B3GALT1: variants seen among roughly 807,000 people sequenced by gnomAD.
The protein encoded by B3GALT1 is beta-1,3-galactosyltransferase 1.
Under a neutral mutation model 23.2 loss-of-function variants are expected in B3GALT1, and 10 were observed. That is an observed-to-expected ratio of 0.43 (90% CI 0.27 to 0.73). The LOEUF (loss-of-function observed/expected upper bound fraction) is 0.73, where lower values mean the gene tolerates loss of function less well. Ranked by LOEUF, B3GALT1 falls within the 30% of genes least tolerant of loss-of-function variation. B3GALT1 has a pLI of 0.21. For missense variants in B3GALT1, 299 were observed against 405.4 expected, an observed-to-expected ratio of 0.74 and a Z score of 2.25; for synonymous variants, 156 against 141.5, an observed-to-expected ratio of 1.10 and a Z score of -0.73.
intron 1 of B3GALT1, among the ~76,000 whole-genome samples, chr2:167,450,904 C>G (rs1355725168): frequency 6.6e-6 from 1 of 151,782 alleles, no homozygotes; most frequent in Non-Finnish European, 1.5e-5. Flanking sequence ...TATCTTTTTT[C>G]TTTGTCTTCG....
intron 3 of B3GALT1, among the ~76,000 whole-genome samples, chr2:167,733,624 A>G (rs753421239): frequency 3.9e-5 from 6 of 152,146 alleles, no homozygotes; most frequent in Non-Finnish European, 7.4e-5. Context: ...ACATAGCTCT[A>G]TTTTACAGAG....
chr2:167,789,672 A>G (rs902389044), intron 3 of B3GALT1, among the ~76,000 whole-genome samples: 1 of 152,192 alleles, frequency 6.6e-6, no homozygotes, highest in Non-Finnish European at 1.5e-5. Flanking sequence ...TACCAAAAAA[A>G]GGCACTTTCC....
At chr2:167,754,833 TAAAATAA>T (rs1050064666) in intron 3 of B3GALT1, among the ~76,000 whole-genome samples, 5 of 152,072 alleles carry the variant, frequency 3.3e-5, no homozygotes, top group African/African-American at 1.2e-4. Flanking sequence ...AAAAACAAAA[TAAAATAA>T]AAAATAAAAA....
rs1323518484 is a variant in B3GALT1 at position 167,426,419 on chromosome 2, C to T, written c.-510-63758C>T. Among the ~76,000 whole-genome samples, 40 of 152,002 alleles carry T rather than the reference C, an allele frequency of 2.6e-4. 1 individual carries two copies. The highest frequency in any genetic ancestry group is 1.7e-3 in the Admixed American group (26 of 15,244). On this transcript the variant is annotated intron_variant, in intron 1 of 4. Transcript: ENST00000392690. ...CCTCGCGAGTAGCTGGGACTACAGG[C>T]GCCCACCACCATGCCTGGCTAATTT... is the stretch of plus-strand genomic sequence containing the variant.
At chr2:167,855,150 G>A (rs138625782) in intron 4 of B3GALT1, among the ~76,000 whole-genome samples, 4 of 152,206 alleles carry the variant, frequency 2.6e-5, no homozygotes, top group African/African-American at 4.8e-5. Flanking sequence ...AGAGCTAGAC[G>A]AACCCTTAAG....
intron 1 of B3GALT1, among the ~76,000 whole-genome samples, chr2:167,381,696 T>A (rs1206254943): frequency 6.6e-6 from 1 of 152,224 alleles, no homozygotes; most frequent in Non-Finnish European, 1.5e-5. Context: ...AAATCTGATT[T>A]ACCATTGCCA....
chr2:167,707,796 C>T (rs1258146026), intron 3 of B3GALT1, among the ~76,000 whole-genome samples: 1 of 152,150 alleles, frequency 6.6e-6, no homozygotes, highest in African/African-American at 2.4e-5. Flanking sequence ...ATGTGGGCCT[C>T]TTTGGAGGGC....
intron 3 of B3GALT1, among the ~76,000 whole-genome samples, chr2:167,754,043 G>C (rs368018191): frequency 2.6e-5 from 4 of 152,140 alleles, no homozygotes; most frequent in African/African-American, 7.2e-5. Context: ...AATAATAAAT[G>C]GTTACCGTAT....
At chr2:167,648,654 T>G (rs1685799141) in intron 3 of B3GALT1, among the ~76,000 whole-genome samples, 1 of 152,166 alleles carries the variant, frequency 6.6e-6, no homozygotes, top group South Asian at 2.1e-4. Flanking sequence ...AGTGGGTGCT[T>G]TTAGTGGCAT....
intron 4 of B3GALT1, among the ~76,000 whole-genome samples, chr2:167,834,297 A>G (rs1026089737): frequency 2.6e-5 from 4 of 152,184 alleles, no homozygotes; most frequent in Admixed American, 2.0e-4. Flanking sequence ...TGAAGTTAAT[A>G]ATAAATAGCA....
chr2:167,512,591 T>TATATATATATGTATATATATATAC (rs375036584), intron 2 of B3GALT1, among the ~76,000 whole-genome samples: 3 of 41,858 alleles, frequency 7.2e-5, no homozygotes, highest in African/African-American at 1.8e-4. Flanking sequence ...TATATATATA[T>TATATATATATGTATATATATATAC]GTGTATATAT....
At chr2:167,488,837 G>A (rs1304750563) in intron 1 of B3GALT1, among the ~76,000 whole-genome samples, 1 of 151,894 alleles carries the variant, frequency 6.6e-6, no homozygotes, top group East Asian at 1.9e-4. Flanking sequence ...TATATAGTAT[G>A]CACTTTTTTG....
chr2:167,476,067 T>G (rs1012981157), intron 1 of B3GALT1, among the ~76,000 whole-genome samples: 3 of 152,132 alleles, frequency 2.0e-5, no homozygotes, highest in African/African-American at 7.2e-5. Flanking sequence ...CACAACTAAT[T>G]CTATCTGCAA....
intron 2 of B3GALT1, among the ~76,000 whole-genome samples, chr2:167,610,326 TG>T (rs1447744432): frequency 6.6e-6 from 1 of 152,144 alleles, no homozygotes; most frequent in Non-Finnish European, 1.5e-5. Context: ...GCCTTCTTTT[TG>T]TAATAGGTTG....
intron 3 of B3GALT1, among the ~76,000 whole-genome samples, chr2:167,703,107 C>G (rs2105511269): frequency 6.6e-6 from 1 of 152,282 alleles, no homozygotes; most frequent in East Asian, 1.9e-4. Context: ...GGGTGTTTTA[C>G]CTGACAGATA....
intron 2 of B3GALT1, among the ~76,000 whole-genome samples, chr2:167,521,150 C>T (rs1230746502): frequency 6.6e-6 from 1 of 152,108 alleles, no homozygotes; most frequent in Non-Finnish European, 1.5e-5. Flanking sequence ...CATTCTTCCA[C>T]CCAAGCTTCA....
At chr2:167,756,249 T>G (rs1687815429) in intron 3 of B3GALT1, among the ~76,000 whole-genome samples, 1 of 151,864 alleles carries the variant, frequency 6.6e-6, no homozygotes, top group South Asian at 2.1e-4. Flanking sequence ...ATTCCAAAGG[T>G]TATGCGTTAG....
rs970007997 is a variant in B3GALT1, at chr2:167,714,772, A to G, written c.-352+67806A>G. The G allele has an allele frequency of 6.3e-5, 101 of 1,613,714 alleles. 1 individual carries two copies. Among genetic ancestry groups the G allele is most frequent in the Middle Eastern group, 1.7e-4 (1 of 6,038 alleles). ...CTTCAAGATCTTTGGCTAGCTTTCTATAGGTCTCCAGCTCTTCAGTGACAT... is the reference window on the plus strand; with the variant it reads ...CTTCAAGATCTTTGGCTAGCTTTCTGTAGGTCTCCAGCTCTTCAGTGACAT... On this transcript the variant is annotated intron_variant, in intron 3 of 4. Transcript: ENST00000392690.
At chr2:167,407,254 G>A (rs1698296782) in intron 1 of B3GALT1, among the ~76,000 whole-genome samples, 1 of 152,080 alleles carries the variant, frequency 6.6e-6, no homozygotes, top group South Asian at 2.1e-4. Context: ...GTGGGTCAAT[G>A]AAGAACTCAA....
Sources: gnomAD v4.1 joint callset for allele counts (sites outside exome capture counted in the v4.1 genomes callset) on GRCh38, gnomAD v4.1.1 for gene constraint, MANE v1.5 for transcripts, NCBI Gene and HGNC (gene_info 2026-07-23, HGNC 2026-07-21) for gene names.